The following PSAP variants were observed in gnomAD, a reference collection of about 807,000 sequenced individuals.
PSAP encodes prosaposin, also known as precursor of saposins.
A neutral mutation model predicts 66.0 loss-of-function variants in PSAP; 25 were observed. The observed-to-expected ratio is 0.38, with a 90% CI of 0.28 to 0.53. The LOEUF (loss-of-function observed/expected upper bound fraction) is 0.53. Among genes scored for constraint, PSAP ranks in the 20% least tolerant of loss-of-function variants. The pLI is 0.83. For missense variants in PSAP, 649 were observed against 668.8 expected (o/e 0.97, Z 0.33); for synonymous variants, 273 against 258.9 (o/e 1.05, Z -0.52).
At chr10:71,818,584 C>T (rs767082150) in intron 13 of PSAP, 33 bp downstream of exon 13, 81 of 1,584,442 alleles carry the variant, frequency 5.1e-5, no homozygotes, top group Non-Finnish European at 6.8e-5. Flanking sequence ...CAGGGCAAGA[C>T]AGGCTGGTGA....
intron 7 of PSAP, chr10:71,823,902 G>T (rs1564817378): frequency 1.5e-6 from 2 of 1,297,124 alleles, no homozygotes; most frequent in South Asian, 2.5e-5. Context: ...TCCTGCTGTT[G>T]AACAAAAAAA....
chr10:71,834,419 C>G lies in PSAP; in HGVS notation c.127G>C (p.Gly43Arg), dbSNP rs554592821. ...CQNVKTASDC[G>R]AVKHCLQTVW... is the part of the protein sequence containing the mutation. ...GTCTGCAGGCAGTGCTTCACTGCCC[C>G]GCAGTCGGACGCCGTCTTCACATTC... The change falls in exon 2 of 14, where the codon GGG becomes CGG. Residue 43 changes from glycine (G) to arginine (R), a missense_variant. Physicochemically the swap from Gly to Arg is moderately radical, Grantham distance 125. Coordinates refer to ENST00000394936, the MANE Select transcript of PSAP (RefSeq NM_002778.4). The G allele has an allele frequency of 1.2e-6, 2 of 1,613,918 alleles. No homozygotes were observed. The highest frequency in any genetic ancestry group is 1.7e-6 in the Non-Finnish European group (2 of 1,179,958).
At chr10:71,832,901 C>T (rs1842546330) in intron 2 of PSAP, among the ~76,000 whole-genome samples, 1 of 151,670 alleles carries the variant, frequency 6.6e-6, no homozygotes, top group African/African-American at 2.4e-5. Context: ...CCTATAATCC[C>T]AGCTACTTGG....
chr10:71,819,745 G>A lies in PSAP; in HGVS notation c.1161C>T (p.Leu387=), dbSNP rs927307280. 1 of 1,614,118 alleles carries A rather than the reference G, an allele frequency of 6.2e-7. No homozygotes were observed. The highest frequency in any genetic ancestry group is 8.5e-7 in the Non-Finnish European group (1 of 1,180,024). ...SPELVCSMLH[L]CSGTRLPALT... ...GTGCAGGCAGCCGCGTGCCAGAGCA[G>A]AGGTGCAGCATGCTGCACACCAGCT... Residue 387 remains leucine (L), a synonymous_variant, in exon 10 of 14, where the codon CTC becomes CTT. Transcript: ENST00000394936.
chr10:71,819,553 C>A lies in PSAP; in HGVS notation c.1262G>T (p.Arg421Leu), dbSNP rs774088864. The A allele has an allele frequency of 1.9e-6, 3 of 1,614,072 alleles. No individual in the cohort carries two copies. Among genetic ancestry groups the A allele is most frequent in the Admixed American group, 3.3e-5 (2 of 60,004 alleles). ...CTTGGTGCTGTTTTTCTCCAGGTTG[C>A]GATCCAAATAACCCACCAGCTTCTT... ...VCKKLVGYLDRNLEKNSTKQE... is the reference protein window; with the variant it reads ...VCKKLVGYLDLNLEKNSTKQE... Residue 421 changes from arginine (R) to leucine (L), a missense_variant, in exon 11 of 14, where the codon CGC (arginine) becomes CTC (leucine). Physicochemically the swap from Arg to Leu is moderately radical, Grantham distance 102. Coordinates refer to ENST00000394936, the MANE Select transcript of PSAP (RefSeq NM_002778.4).
At position 71,831,887 on chromosome 10, in the gene PSAP, CAACGTCTTTG is replaced by C; in HGVS notation, c.198_207del (p.Cys66TrpfsTer9). On this transcript the variant is annotated frameshift_variant, in exon 3 of 14. Transcript: ENST00000394936. LOFTEE classifies it high-confidence loss of function. ...TTCAGCATATCACCAGCTGCGGTGA[CAACGTCTTTG>C]CATATGTCGCAGGGAAGGGATTTCT... 6.2e-7 allele frequency: 1 copy of C among 1,614,094 alleles called. No individual in the cohort carries two copies. The highest frequency in any genetic ancestry group is 8.5e-7 in the Non-Finnish European group (1 of 1,180,032).
chr10:71,833,016 C>CAAGAAAAA (rs1842548869), intron 2 of PSAP, among the ~76,000 whole-genome samples: 1 of 50,708 alleles, frequency 2.0e-5, no homozygotes, highest in Non-Finnish European at 3.6e-5. Context: ...GAGTCCATCT[C>CAAGAAAAA]AAAAAAAAAA....
At position 71,851,031 on chromosome 10, in the gene PSAP, G is replaced by A. The variant is rs1377901994; in HGVS notation, c.40+151C>T. 17 of 925,032 alleles carry A rather than the reference G, an allele frequency of 1.8e-5. No individual in the cohort carries two copies. In the South Asian group the frequency reaches 2.0e-4, roughly 11 times the overall value. The allele number at this position is 925,032 out of a possible 1,614,324, so 57.3% of individuals were successfully genotyped here. On this transcript the variant is annotated intron_variant, in intron 1 of 13. Coordinates refer to ENST00000394936, the MANE Select transcript of PSAP (RefSeq NM_002778.4). ...GCCCCCAGCCGCCCAGAGAAAGCCA[G>A]AGAAAGCCAGCGAACGCGCCTGCGC...
Position 71,828,310 on chromosome 10 carries a change from G to A in PSAP, c.577-153C>T, listed in dbSNP as rs142769653. Among the ~76,000 whole-genome samples, 461 of 152,232 alleles carry A rather than the reference G, an allele frequency of 3.0e-3. 3 individuals are homozygous for A. The highest frequency in any genetic ancestry group is 0.01 in the South Asian group (50 of 4,820). On this transcript the variant is annotated intron_variant, in intron 5 of 13. Transcript: ENST00000394936. ...TCAAATTACTGATAGGCTTAAAATC[G>A]ATTAAGTGTTCATTATAGTAACAGT... is the stretch of plus-strand genomic sequence containing the variant.
chr10:71,836,047 G>A (rs548067790), intron 1 of PSAP, among the ~76,000 whole-genome samples: 94 of 152,244 alleles, frequency 6.2e-4, no homozygotes, highest in African/African-American at 2.2e-3. Context: ...CACAAAGACT[G>A]AGTCCCACAA....
At chr10:71,846,887 C>G (rs1008880045) in intron 1 of PSAP, among the ~76,000 whole-genome samples, 1 of 152,124 alleles carries the variant, frequency 6.6e-6, no homozygotes, top group Non-Finnish European at 1.5e-5. Context: ...AGCCAGTAAC[C>G]TAGAATCTCT....
Position 71,816,465 on chromosome 10 carries a change from A to C in PSAP, c.*976T>G, listed in dbSNP as rs959375187. ...CCCAAGTGGGCCACAGACAGCTTCCAACCCCCACACCCCAGCATCCAATCC... is the reference window on the plus strand; with the variant it reads ...CCCAAGTGGGCCACAGACAGCTTCCCACCCCCACACCCCAGCATCCAATCC... On this transcript the variant is annotated 3_prime_UTR_variant, in exon 14 of 14. Transcript: ENST00000394936. 2.5e-5 allele frequency: 12 copies of C among 471,138 alleles called. No individual in the cohort carries two copies. The highest frequency in any genetic ancestry group is 5.3e-5 in the Non-Finnish European group (12 of 227,066). The allele number at this position is 471,138 out of a possible 1,614,324, so 29.2% of individuals were successfully genotyped here.
intron 4 of PSAP, among the ~76,000 whole-genome samples, chr10:71,829,651 A>C (rs1366014974): frequency 6.6e-6 from 1 of 152,004 alleles, no homozygotes; most frequent in Admixed American, 6.6e-5. Context: ...GTAGCATGAA[A>C]ACGGACTAAT....
At chr10:71,848,568 A>C (rs1842866539) in intron 1 of PSAP, among the ~76,000 whole-genome samples, 1 of 152,188 alleles carries the variant, frequency 6.6e-6, no homozygotes, top group African/African-American at 2.4e-5. Context: ...ATGGGCAGAA[A>C]AGTAACTCAA....
chr10:71,848,071 C>A (rs1842854292), intron 1 of PSAP, among the ~76,000 whole-genome samples: 1 of 152,174 alleles, frequency 6.6e-6, no homozygotes, highest in Admixed American at 6.5e-5. Flanking sequence ...CTCCTTTTTC[C>A]ACCAGAGGAC....
At chr10:71,827,544 C>T (rs1343954006) in intron 6 of PSAP, among the ~76,000 whole-genome samples, 4 of 151,742 alleles carry the variant, frequency 2.6e-5, no homozygotes, top group African/African-American at 4.8e-5. Context: ...CTGACAAACA[C>T]GGTGAAACCC....
chr10:71,829,628 T>C (rs190352068), intron 4 of PSAP, among the ~76,000 whole-genome samples: 11 of 152,098 alleles, frequency 7.2e-5, no homozygotes, highest in African/African-American at 2.2e-4. Flanking sequence ...CAGTCTCGGG[T>C]ATGTCTTTAT....
intron 12 of PSAP, 120 bp from the exon 13 acceptor site, chr10:71,818,844 T>G: frequency 1.9e-6 from 2 of 1,055,822 alleles, no homozygotes; most frequent in Non-Finnish European, 2.9e-6. Context: ...CCACGCTCTT[T>G]CAGAACATCA....
chr10:71,827,209 A>T (rs529256242), intron 6 of PSAP, among the ~76,000 whole-genome samples: 2 of 151,836 alleles, frequency 1.3e-5, no homozygotes, highest in East Asian at 3.9e-4. Flanking sequence ...ATCCTGGCTA[A>T]CACAGTGAAA....
Sources: gnomAD v4.1 joint callset for allele counts (sites outside exome capture counted in the v4.1 genomes callset) on GRCh38, gnomAD v4.1.1 for gene constraint, MANE v1.5 for transcripts, NCBI Gene and HGNC (gene_info 2026-07-23, HGNC 2026-07-21) for gene names.